PCNX2: variants seen among roughly 807,000 people sequenced by gnomAD.
PCNX2 encodes the protein pecanex 2, also known as pecanex-like protein 2.
In PCNX2, 168 loss-of-function variants were observed where a neutral mutation model predicts 223.8. The observed-to-expected ratio is 0.75, with a 90% CI of 0.66 to 0.85. The LOEUF is 0.85. PCNX2 is among the 40% of genes least tolerant of loss of function. The probability of loss-of-function intolerance (pLI) is 0.00; values close to 1 mark genes in which losing one functional copy is unlikely to be tolerated. For synonymous variants in PCNX2, 1,006 were observed against 1,052.6 expected, an observed-to-expected ratio of 0.96 and a Z score of 0.86; for missense variants, 2,507 against 2,675.5, an observed-to-expected ratio of 0.94 and a Z score of 1.39.
At chr1:233,202,689 TAAA>T (rs1681195278) in intron 13 of PCNX2, among the ~76,000 whole-genome samples, 1 of 152,214 alleles carries the variant, frequency 6.6e-6, no homozygotes, top group Non-Finnish European at 1.5e-5. Context: ...TGATTTGTTC[TAAA>T]ACCTCCACTT....
At chr1:233,125,118 T>C (rs912987927) in intron 21 of PCNX2, among the ~76,000 whole-genome samples, 4 of 152,322 alleles carry the variant, frequency 2.6e-5, no homozygotes, top group African/African-American at 9.6e-5. Context: ...CACCATGGTG[T>C]CAACCTCACC....
intron 12 of PCNX2, among the ~76,000 whole-genome samples, 158 bp from the exon 13 acceptor site, chr1:233,208,847 A>AAAAAC (rs1558346031): frequency 3.2e-4 from 48 of 150,214 alleles, no homozygotes; most frequent in Non-Finnish European, 6.1e-4. Flanking sequence ...AAAAAAAAAA[A>AAAAAC]AAAACAGGAA....
intron 19 of PCNX2, among the ~76,000 whole-genome samples, chr1:233,153,207 T>G (rs1420058432): frequency 6.6e-6 from 1 of 152,170 alleles, no homozygotes. Flanking sequence ...TAAAACACTT[T>G]GAGCAGAGGA....
chr1:233,074,543 C>T (rs1012470362), intron 23 of PCNX2, among the ~76,000 whole-genome samples: 2 of 132,344 alleles, frequency 1.5e-5, no homozygotes, highest in South Asian at 2.3e-4. Flanking sequence ...TGCAGTGAGC[C>T]GAGATCCCGC....
At chr1:233,269,795 T>C (rs1660551259) in intron 1 of PCNX2, among the ~76,000 whole-genome samples, 1 of 152,208 alleles carries the variant, frequency 6.6e-6, no homozygotes, top group Admixed American at 6.5e-5. Context: ...GATTGTGCTG[T>C]ATGCCAGAGC....
At chr1:233,263,698 C>T (rs12132782) in intron 1 of PCNX2, among the ~76,000 whole-genome samples, 43,903 of 151,866 alleles carry the variant, frequency 0.29, 6,552 homozygotes, top group South Asian at 0.42. Flanking sequence ...TCAGGTGATC[C>T]GCCCACTTCG....
chr1:233,319,775 A>C, the PCNX2 span, among the ~76,000 whole-genome samples: 2 of 152,226 alleles, frequency 1.3e-5, no homozygotes, highest in Non-Finnish European at 2.9e-5. Context: ...GTTTTTGTGT[A>C]TGTGCTTCAT....
chr1:233,040,693 G>A (rs756618477), intron 25 of PCNX2, among the ~76,000 whole-genome samples: 4 of 151,668 alleles, frequency 2.6e-5, no homozygotes, highest in Non-Finnish European at 5.9e-5. Context: ...TCTCCACCAC[G>A]CCTCCTGCCG....
intron 19 of PCNX2, among the ~76,000 whole-genome samples, chr1:233,144,961 TTTTTG>T (rs1209216684): frequency 9.2e-6 from 1 of 108,206 alleles, no homozygotes; most frequent in Non-Finnish European, 1.6e-5. Context: ...TTGTTTTTTT[TTTTTG>T]TTTCTTTTTT....
chr1:233,298,755 G>T (rs572599056), upstream of PCNX2, among the ~76,000 whole-genome samples: 1 of 152,196 alleles, frequency 6.6e-6, no homozygotes, highest in South Asian at 2.1e-4. Context: ...CGGGTGTGGT[G>T]GTGTGCACCT....
In PCNX2 at chr1:233,160,395, G is replaced by A. The variant is rs753050544; in HGVS notation, c.3405C>T (p.Ala1135=). The A allele has an allele frequency of 6.8e-6, 11 of 1,613,636 alleles. No homozygotes were observed. The highest frequency in any genetic ancestry group is 1.7e-5 in the Admixed American group (1 of 59,994). ...GCACGTAATGTGTTACAAACCCCAC[G>A]GCTCCAGCCAAGGCAAACAGCACGA... ...LSIVLFALAG[A]VGFVTHYVLP... Residue 1135 remains alanine (A), a synonymous_variant, in exon 19 of 34, where the codon GCC becomes GCT. Coordinates refer to ENST00000258229, the MANE Select transcript of PCNX2 (RefSeq NM_014801.4).
chr1:233,199,491 G>GT (rs1314296862), intron 14 of PCNX2, among the ~76,000 whole-genome samples: 5 of 151,894 alleles, frequency 3.3e-5, no homozygotes, highest in Non-Finnish European at 7.4e-5. Context: ...TATGGGGGTG[G>GT]TAACAGTGAT....
chr1:233,175,117 GAA>G (rs1414715245), intron 17 of PCNX2, among the ~76,000 whole-genome samples: 5 of 151,882 alleles, frequency 3.3e-5, no homozygotes, highest in African/African-American at 1.2e-4. Flanking sequence ...GACAGACAGA[GAA>G]AATAAGAGCT....
chr1:233,216,150 C>T (rs1478892589), intron 12 of PCNX2, among the ~76,000 whole-genome samples: 2 of 152,110 alleles, frequency 1.3e-5, no homozygotes, highest in Non-Finnish European at 2.9e-5. Context: ...AGTTGCTTAG[C>T]GAGCTGGGGA....
At chr1:233,165,317 G>T (rs552542800) in intron 17 of PCNX2, among the ~76,000 whole-genome samples, 2 of 152,222 alleles carry the variant, frequency 1.3e-5, no homozygotes, top group Middle Eastern at 3.4e-3. Flanking sequence ...GCCTCCTAGG[G>T]CACATTTTGC....
intron 13 of PCNX2, among the ~76,000 whole-genome samples, chr1:233,207,178 G>C (rs1681525627): frequency 6.6e-6 from 1 of 152,124 alleles, no homozygotes; most frequent in African/African-American, 2.4e-5. Context: ...AAGAGGAACG[G>C]GAAGCCAGAG....
At chr1:233,003,030 T>A (rs1338983249) in intron 28 of PCNX2, among the ~76,000 whole-genome samples, 12 of 151,902 alleles carry the variant, frequency 7.9e-5, no homozygotes, top group African/African-American at 2.4e-4. Flanking sequence ...ACTTAAATGT[T>A]AGACCTAAAA....
intron 27 of PCNX2, 56 bp from the exon 28 acceptor site, chr1:233,014,833 C>A (rs1670593985): frequency 1.4e-6 from 2 of 1,385,836 alleles, no homozygotes; most frequent in African/African-American, 2.8e-5. Flanking sequence ...TGTACCAACA[C>A]ACAGGCATAA....
intron 10 of PCNX2, among the ~76,000 whole-genome samples, chr1:233,219,201 T>C (rs544275006): frequency 4.3e-4 from 66 of 152,224 alleles, no homozygotes; most frequent in South Asian, 3.9e-3. Context: ...GGCTGGATCA[T>C]GTAGCCTAGG....
Sources: gnomAD v4.1 joint callset for allele counts (sites outside exome capture counted in the v4.1 genomes callset) on GRCh38, gnomAD v4.1.1 for gene constraint, MANE v1.5 for transcripts, NCBI Gene and HGNC (gene_info 2026-07-23, HGNC 2026-07-21) for gene names.